LMO7: variants seen among roughly 807,000 people sequenced by gnomAD.
LMO7 encodes the protein LIM domain 7, also known as LIM domain only protein 7.
LMO7 carries 120 observed loss-of-function variants against 206.5 expected under a neutral mutation model. That is an observed-to-expected ratio of 0.58 (90% CI 0.50 to 0.68). The LOEUF is 0.68. Among genes scored for constraint, LMO7 ranks in the 30% least tolerant of loss-of-function variants. The probability of loss-of-function intolerance (pLI) is 0.00; values close to 1 mark genes in which losing one functional copy is unlikely to be tolerated. For synonymous variants in LMO7, 706 were observed against 681.5 expected, an observed-to-expected ratio of 1.04 and a Z score of -0.56; for missense variants, 1,959 against 1,957.9, an observed-to-expected ratio of 1.00 and a Z score of -0.01.
intron 15 of LMO7, among the ~76,000 whole-genome samples, chr13:75,827,151 A>C (rs921970064): frequency 6.6e-5 from 10 of 152,158 alleles, no homozygotes; most frequent in African/African-American, 1.7e-4. Flanking sequence ...ACATTCTTAC[A>C]CATAATTGAC....
At chr13:75,724,250 C>G (rs1429982003) in intron 2 of LMO7, among the ~76,000 whole-genome samples, 1 of 152,126 alleles carries the variant, frequency 6.6e-6, no homozygotes, top group African/African-American at 2.4e-5. Flanking sequence ...GTGCTTCCTT[C>G]TGGTTTTAAT....
chr13:75,803,716 A>G (rs2055071904), intron 7 of LMO7, among the ~76,000 whole-genome samples: 1 of 152,084 alleles, frequency 6.6e-6, no homozygotes, highest in Non-Finnish European at 1.5e-5. Context: ...TGGGCATAAG[A>G]CTTCAGATTC....
chr13:75,851,348 A>G lies in LMO7; in HGVS notation c.4365-1744A>G, dbSNP rs1366446415. The stretch of plus-strand genomic sequence containing the variant: ...AAGCACATTGCATATGTATATAGAC[A>G]CATCTATACTTACATATGTAAATTT... On this transcript the variant is annotated intron_variant, in intron 27 of 30. Coordinates refer to ENST00000377534, the MANE Select transcript of LMO7 (RefSeq NM_001306080.2). Among the ~76,000 whole-genome samples, 2 of 152,248 alleles carry G rather than the reference A, an allele frequency of 1.3e-5. 1 individual carries two copies. Among genetic ancestry groups the G allele is most frequent in the Non-Finnish European group, 2.9e-5 (2 of 68,040 alleles).
intron 1 of LMO7, among the ~76,000 whole-genome samples, chr13:75,644,363 T>C (rs1017837805): frequency 9.2e-5 from 14 of 152,194 alleles, no homozygotes; most frequent in Non-Finnish European, 1.8e-4. Context: ...AGGATCCGAA[T>C]GCCCACAGCC....
intron 1 of LMO7, among the ~76,000 whole-genome samples, chr13:75,646,926 A>G (rs1435822120): frequency 1.3e-5 from 2 of 152,170 alleles, no homozygotes; most frequent in Admixed American, 1.3e-4. Context: ...TTCCATCTGC[A>G]TGAATACATT....
chr13:75,637,077 G>C (rs1397828131), intron 1 of LMO7, among the ~76,000 whole-genome samples: 1 of 152,126 alleles, frequency 6.6e-6, no homozygotes, highest in African/African-American at 2.4e-5. Context: ...CAGAGCGCGC[G>C]GTGCAGAGCT....
rs1345630134 is a variant in LMO7 at position 75,737,793 on chromosome 13, A to ACAAAC, written c.210+10695_210+10696insCAAAC. ...AAAATAAAATAAAATAAAAAAAAAA[A>ACAAAC]AAAAAAAACTTTTTACTTTGAAATA... On this transcript the variant is annotated intron_variant, in intron 3 of 30. Transcript: ENST00000377534. 1.2e-4 allele frequency among the ~76,000 whole-genome samples: 16 copies of ACAAAC among 128,156 alleles called. 1 individual carries two copies. Among genetic ancestry groups the ACAAAC allele is most frequent in the African/African-American group, 4.8e-4 (16 of 33,470 alleles). 84.1% of individuals were successfully genotyped at this position (128,156 alleles called of 152,430 possible).
At chr13:75,841,329 A>G in intron 23 of LMO7, 128 bp downstream of exon 23, 1 of 653,948 alleles carries the variant, frequency 1.5e-6, no homozygotes, top group Non-Finnish European at 2.6e-6. Context: ...CTCTTTGAAA[A>G]ATACAATGAG....
rs572637405 is a variant in LMO7, at chr13:75,850,057, G to T, written c.4364+765G>T. Among the ~76,000 whole-genome samples the T allele has an allele frequency of 5.6e-4, 85 of 152,302 alleles. No individual in the cohort carries two copies. In the South Asian group the frequency reaches 0.017, roughly 31 times the overall value. ...CACTGGAACCCGTGAGGCAGAGGTT[G>T]CAGTGAGCTGAGATCTTGCCACTGC... is the stretch of plus-strand genomic sequence containing the variant. On this transcript the variant is annotated intron_variant, in intron 27 of 30. Transcript: ENST00000377534.
At chr13:75,854,631 C>A (rs2060772619) in intron 28 of LMO7, among the ~76,000 whole-genome samples, 1 of 152,076 alleles carries the variant, frequency 6.6e-6, no homozygotes, top group Non-Finnish European at 1.5e-5. Context: ...GACCTGTATA[C>A]AAAAGTAGAG....
chr13:75,655,637 T>TTATATA (rs67966172), intron 1 of LMO7, among the ~76,000 whole-genome samples: 271 of 134,438 alleles, frequency 2.0e-3, no homozygotes, highest in African/African-American at 3.2e-3. Context: ...TTCATGGATT[T>TTATATA]TATATATATA....
chr13:75,677,181 G>A (rs1265219093), intron 1 of LMO7, among the ~76,000 whole-genome samples: 1 of 152,088 alleles, frequency 6.6e-6, no homozygotes, highest in Non-Finnish European at 1.5e-5. Flanking sequence ...CCTGGATGCT[G>A]GACAGAGGAA....
intron 9 of LMO7, chr13:75,806,252 A>G: frequency 1.0e-6 from 1 of 990,288 alleles, no homozygotes; most frequent in South Asian, 4.6e-5. Flanking sequence ...AGTGCTTCGG[A>G]TGAGCCCAGG....
intron 1 of LMO7, among the ~76,000 whole-genome samples, chr13:75,710,236 A>G (rs1003312582): frequency 7.2e-5 from 11 of 152,132 alleles, no homozygotes; most frequent in South Asian, 2.1e-4. Context: ...GTAGCGTGAT[A>G]CCTCCAGCTT....
intron 11 of LMO7, among the ~76,000 whole-genome samples, chr13:75,814,986 G>A (rs896153941): frequency 5.3e-5 from 8 of 152,072 alleles, no homozygotes; most frequent in Admixed American, 3.3e-4. Context: ...CAGGGATGGC[G>A]GACCTCTTAG....
intron 4 of LMO7, among the ~76,000 whole-genome samples, chr13:75,778,364 C>T (rs1471175318): frequency 2.6e-5 from 4 of 152,104 alleles, no homozygotes; most frequent in Non-Finnish European, 5.9e-5. Context: ...TCCCGAGTAG[C>T]TGGGACTACA....
chr13:75,792,870 G>A (rs1227356463), intron 4 of LMO7, among the ~76,000 whole-genome samples: 1 of 152,186 alleles, frequency 6.6e-6, no homozygotes, highest in East Asian at 1.9e-4. Context: ...TGAGTAAAAG[G>A]TAATAATGCG....
At chr13:75,707,401 A>G (rs1402299339) in intron 1 of LMO7, among the ~76,000 whole-genome samples, 2 of 152,142 alleles carry the variant, frequency 1.3e-5, no homozygotes, top group African/African-American at 4.8e-5. Flanking sequence ...CTTTTATGAC[A>G]TGAATTTCAA....
intron 15 of LMO7, among the ~76,000 whole-genome samples, chr13:75,831,279 G>A (rs1392072944): frequency 9.9e-5 from 15 of 152,106 alleles, no homozygotes; most frequent in Admixed American, 9.2e-4. Flanking sequence ...TTTTGAGAGC[G>A]AGAATCATCC....
Sources: allele counts gnomAD v4.1 joint callset (sites outside exome capture counted in the v4.1 genomes callset), GRCh38; gene constraint gnomAD v4.1.1; transcripts MANE v1.5; gene names NCBI Gene and HGNC (gene_info 2026-07-23, HGNC 2026-07-21).